The following RUBCN variants were observed in gnomAD, a reference collection of about 807,000 sequenced individuals.
RUBCN encodes run domain Beclin-1-interacting and cysteine-rich domain-containing protein.
RUBCN carries 74 observed loss-of-function variants against 113.2 expected under a neutral mutation model. That is an observed-to-expected ratio of 0.65 (90% confidence interval 0.54 to 0.79). RUBCN has a LOEUF of 0.79. Ranked by LOEUF, RUBCN falls within the 30% of genes least tolerant of loss-of-function variation. RUBCN has a pLI of 0.00. For missense variants in RUBCN, 1,109 were observed against 1,251.7 expected, an observed-to-expected ratio of 0.89 and a Z score of 1.72; for synonymous variants, 480 against 490.0, an observed-to-expected ratio of 0.98 and a Z score of 0.27.
chr3:197,696,384 A>G (rs1408378716), intron 8 of RUBCN, among the ~76,000 whole-genome samples: 1 of 152,002 alleles, frequency 6.6e-6, no homozygotes, highest in Non-Finnish European at 1.5e-5. Context: ...AAAAAAAAAA[A>G]ACAAAACAAA....
intron 4 of RUBCN, among the ~76,000 whole-genome samples, chr3:197,704,021 G>A (rs992139706): frequency 1.3e-5 from 2 of 152,180 alleles, no homozygotes; most frequent in Non-Finnish European, 2.9e-5. Flanking sequence ...TATTCTTACG[G>A]TTTGTGTGTG....
intron 11 of RUBCN, among the ~76,000 whole-genome samples, 169 bp from the exon 12 acceptor site, chr3:197,684,386 C>G (rs1419614277): frequency 6.6e-6 from 1 of 152,068 alleles, no homozygotes; most frequent in Non-Finnish European, 1.5e-5. Context: ...TATAATTTGC[C>G]TCTATCCAAA....
At chr3:197,729,703 G>A (rs1159767808) in intron 1 of RUBCN, among the ~76,000 whole-genome samples, 1 of 152,092 alleles carries the variant, frequency 6.6e-6, no homozygotes, top group African/African-American at 2.4e-5. Flanking sequence ...GATTACAGGG[G>A]TGCACAACCA....
intron 2 of RUBCN, 58 bp from the exon 3 acceptor site, chr3:197,705,233 C>T: frequency 6.8e-7 from 1 of 1,479,026 alleles, no homozygotes. Context: ...AGATCTAGTT[C>T]TAGGGTTGGC....
intron 16 of RUBCN, among the ~76,000 whole-genome samples, chr3:197,679,573 T>C (rs375614703): frequency 2.9e-3 from 347 of 118,168 alleles, no homozygotes; most frequent in Middle Eastern, 6.9e-3. Flanking sequence ...GACTGTCCTA[T>C]GCTCTGACCA....
intron 2 of RUBCN, among the ~76,000 whole-genome samples, chr3:197,713,547 A>G (rs1244401793): frequency 2.0e-5 from 3 of 152,152 alleles, no homozygotes; most frequent in Non-Finnish European, 2.9e-5. Flanking sequence ...ATCTCATGAG[A>G]GAACATAAGT....
In RUBCN at chr3:197,681,803, G is replaced by C; in HGVS notation, c.2191+32C>G. The C allele has an allele frequency of 1.3e-6, 2 of 1,598,662 alleles. No homozygotes were observed. Among genetic ancestry groups the C allele is most frequent in the Non-Finnish European group, 1.7e-6 (2 of 1,165,986 alleles). Reference sequence around the variant, plus strand: ...TGTCGGGGAGGGTACAGAGCCTCTGGAGGCAGCATGGTGGGAAGGGAAGGC... The same window carrying C: ...TGTCGGGGAGGGTACAGAGCCTCTGCAGGCAGCATGGTGGGAAGGGAAGGC... On this transcript the variant is annotated intron_variant, in intron 15 of 19. Coordinates refer to ENST00000296343, the MANE Select transcript of RUBCN (RefSeq NM_014687.4). The surrounding 1 kb of genome is among the most constrained non-coding windows in gnomAD (Gnocchi z 5.5).
At chr3:197,707,900 G>C (rs1265128134) in intron 2 of RUBCN, among the ~76,000 whole-genome samples, 1 of 151,798 alleles carries the variant, frequency 6.6e-6, no homozygotes, top group African/African-American at 2.4e-5. Flanking sequence ...GGAAGTGAAG[G>C]TTGCAGTGAG....
Position 197,681,390 on chromosome 3 carries a change from A to G in RUBCN, c.2192-23T>C, listed in dbSNP as rs542865663. The G allele has an allele frequency of 6.4e-7, 1 of 1,573,478 alleles. No individual in the cohort carries two copies. The highest frequency in any genetic ancestry group is 1.1e-5 in the South Asian group (1 of 90,224). On this transcript the variant is annotated intron_variant, in intron 15 of 19. Coordinates refer to ENST00000296343, the MANE Select transcript of RUBCN (RefSeq NM_014687.4). The surrounding 1 kb of genome is among the most constrained non-coding windows in gnomAD (Gnocchi z 5.5). Reference sequence around the variant, plus strand: ...AATCTGGAAAAACCGGAAAGCCAGAAAGCCAGATGTAACTTTCCCATCTAC... The same window carrying G: ...AATCTGGAAAAACCGGAAAGCCAGAGAGCCAGATGTAACTTTCCCATCTAC...
At chr3:197,715,929 C>A (rs2108952826) in intron 2 of RUBCN, among the ~76,000 whole-genome samples, 1 of 152,260 alleles carries the variant, frequency 6.6e-6, no homozygotes, top group South Asian at 2.1e-4. Flanking sequence ...ATTTAGGGAA[C>A]AAGATGAAAA....
intron 1 of RUBCN, among the ~76,000 whole-genome samples, chr3:197,727,154 G>A (rs1439730606): frequency 2.0e-5 from 3 of 151,894 alleles, no homozygotes; most frequent in Non-Finnish European, 4.4e-5. Flanking sequence ...TGGCCAGGCT[G>A]GTCTCGAACT....
At chr3:197,724,354 T>C (rs1253533710) in intron 1 of RUBCN, among the ~76,000 whole-genome samples, 2 of 149,756 alleles carry the variant, frequency 1.3e-5, no homozygotes, top group Non-Finnish European at 3.0e-5. Context: ...AACTAAAACA[T>C]AATCACTAAA....
chr3:197,730,883 A>ATTTTTTT (rs1491421348), intron 1 of RUBCN, among the ~76,000 whole-genome samples: 1 of 60,808 alleles, frequency 1.6e-5, no homozygotes, highest in African/African-American at 7.7e-5. Flanking sequence ...TTTTAAAAGC[A>ATTTTTTT]TCTTTTTTTT....
Position 197,681,772 on chromosome 3 carries a change from C to A in RUBCN, c.2191+63G>T. The stretch of plus-strand genomic sequence containing the variant: ...TACCGCCTTTGACACGCCACCTCTC[C>A]CTACGTGTCGGGGAGGGTACAGAGC... On this transcript the variant is annotated intron_variant, in intron 15 of 19. Coordinates refer to ENST00000296343, the MANE Select transcript of RUBCN (RefSeq NM_014687.4). The surrounding 1 kb of genome is among the most constrained non-coding windows in gnomAD (Gnocchi z 5.5). The A allele has an allele frequency of 7.0e-7, 1 of 1,432,904 alleles. No individual in the cohort carries two copies. Among genetic ancestry groups the A allele is most frequent in the Non-Finnish European group, 9.9e-7 (1 of 1,014,776 alleles). 88.8% of individuals were successfully genotyped at this position (1,432,904 alleles called of 1,614,324 possible). A position where few individuals can be genotyped will look rare whatever the true frequency, so the allele number is the denominator to read the frequency against.
chr3:197,708,616 T>C (rs1346450335), intron 2 of RUBCN, among the ~76,000 whole-genome samples: 1 of 150,370 alleles, frequency 6.7e-6, no homozygotes, highest in East Asian at 1.9e-4. Flanking sequence ...GGCTTTCCAA[T>C]TCTCCCAACG....
intron 1 of RUBCN, among the ~76,000 whole-genome samples, chr3:197,733,915 G>A (rs890770773): frequency 2.0e-5 from 3 of 152,132 alleles, no homozygotes; most frequent in South Asian, 2.1e-4. Flanking sequence ...TTATACTTCC[G>A]TTGTTACTAT....
At chr3:197,725,138 C>T (rs1388655311) in intron 1 of RUBCN, among the ~76,000 whole-genome samples, 3 of 152,178 alleles carry the variant, frequency 2.0e-5, no homozygotes, top group African/African-American at 7.2e-5. Flanking sequence ...AGTTGGAAGA[C>T]TGTGGTCAGG....
At chr3:197,739,195 C>G (rs1006701344), upstream of RUBCN, among the ~76,000 whole-genome samples, 2 of 151,862 alleles carry the variant, frequency 1.3e-5, no homozygotes, top group Non-Finnish European at 2.9e-5. Flanking sequence ...CCGGCTTCGG[C>G]CTCCCAAAGT....
intron 11 of RUBCN, among the ~76,000 whole-genome samples, chr3:197,692,371 C>A (rs1307136897): frequency 6.6e-6 from 1 of 151,844 alleles, no homozygotes; most frequent in Non-Finnish European, 1.5e-5. Context: ...GGATCCTTTA[C>A]AACAGACTAT....
Sources: gnomAD v4.1 joint callset for allele counts (sites outside exome capture counted in the v4.1 genomes callset) on GRCh38, gnomAD v4.1.1 for gene constraint, Gnocchi (gnomAD v3.1) non-coding constraint, MANE v1.5 for transcripts, NCBI Gene and HGNC (gene_info 2026-07-23, HGNC 2026-07-21) for gene names.